The following SH3KBP1 variants were observed in gnomAD, a reference collection of about 807,000 sequenced individuals.
SH3KBP1 encodes SH3 domain containing kinase binding protein 1, also known as SH3 domain-containing kinase-binding protein 1.
In SH3KBP1, 8 loss-of-function variants were observed where a neutral mutation model predicts 50.1. The ratio of observed to expected loss-of-function variants is 0.16; its 90% CI spans 0.09 to 0.29. The LOEUF (loss-of-function observed/expected upper bound fraction) is 0.29, where lower values mean the gene tolerates loss of function less well. Ranked by LOEUF, SH3KBP1 falls within the 10% of genes least tolerant of loss-of-function variation. The pLI is 1.00. For synonymous variants in SH3KBP1, 227 were observed against 218.6 expected (o/e 1.04, Z -0.34); for missense variants, 377 against 535.2 (o/e 0.70, Z 2.92).
intron 2 of SH3KBP1, among the ~76,000 whole-genome samples, chrX:19,786,278 C>A (rs960009459): frequency 2.4e-4 from 27 of 110,868 alleles, no homozygotes; most frequent in Non-Finnish European, 3.8e-5. Flanking sequence ...TCAAAATAAT[C>A]AAGGCCAGGG....
intron 4 of SH3KBP1, among the ~76,000 whole-genome samples, chrX:19,702,947 G>A (rs750686081): frequency 3.6e-5 from 4 of 112,279 alleles, no homozygotes; most frequent in Admixed American, 9.4e-5. Flanking sequence ...GTTCCTTTAG[G>A]TTCACAATGA....
intron 9 of SH3KBP1, among the ~76,000 whole-genome samples, chrX:19,606,592 G>A (rs187222621): frequency 1.0e-3 from 114 of 111,979 alleles, no homozygotes; most frequent in African/African-American, 3.4e-3. Context: ...TAAAATATGG[G>A]GGATGGGGGA....
At chrX:19,871,720 A>C (rs533647840) in intron 1 of SH3KBP1, among the ~76,000 whole-genome samples, 3 of 111,413 alleles carry the variant, frequency 2.7e-5, no homozygotes, top group South Asian at 3.8e-4. Context: ...GGTTCTAGCC[A>C]CCCTTACGTG....
chrX:19,767,057 C>A (rs1403217139), intron 2 of SH3KBP1, among the ~76,000 whole-genome samples: 5 of 111,401 alleles, frequency 4.5e-5, no homozygotes, highest in African/African-American at 6.5e-5. Context: ...GTTATGACAA[C>A]AAAATAAAAT....
intron 12 of SH3KBP1, among the ~76,000 whole-genome samples, chrX:19,570,874 T>G (rs923029041): frequency 8.9e-6 from 1 of 111,899 alleles, no homozygotes; most frequent in Non-Finnish European, 1.9e-5. Flanking sequence ...GAAGATCACC[T>G]GAGCCCAGGG....
chrX:19,580,954 T>C (rs1222258176), intron 12 of SH3KBP1, among the ~76,000 whole-genome samples: 1 of 111,299 alleles, frequency 9.0e-6, no homozygotes, highest in Admixed American at 9.6e-5. Context: ...TTTTTCTCTT[T>C]TTAATTATTT....
intron 6 of SH3KBP1, among the ~76,000 whole-genome samples, chrX:19,653,908 C>T (rs1327688045): frequency 9.1e-6 from 1 of 109,947 alleles, no homozygotes; most frequent in Non-Finnish European, 1.9e-5. Flanking sequence ...TGTCTCCTAA[C>T]AGCTATCTTT....
chrX:19,634,711 G>C (rs1023512003), intron 7 of SH3KBP1, among the ~76,000 whole-genome samples: 22 of 111,750 alleles, frequency 2.0e-4, no homozygotes, highest in African/African-American at 7.2e-4. Flanking sequence ...CTGGGCTTTC[G>C]CAAGCACATG....
intron 7 of SH3KBP1, among the ~76,000 whole-genome samples, chrX:19,635,010 T>A (rs2061668812): frequency 9.0e-6 from 1 of 111,247 alleles, no homozygotes; most frequent in Admixed American, 9.6e-5. Flanking sequence ...GCTCTGACTT[T>A]GAGCTGTGAC....
At chrX:19,681,055 T>C (rs1240298436) in intron 6 of SH3KBP1, among the ~76,000 whole-genome samples, 1 of 111,415 alleles carries the variant, frequency 9.0e-6, no homozygotes, top group Non-Finnish European at 1.9e-5. Flanking sequence ...TCTTTTTGCA[T>C]TGTGGAGTAT....
chrX:19,654,098 A>T (rs967188991), intron 6 of SH3KBP1, among the ~76,000 whole-genome samples: 5 of 111,684 alleles, frequency 4.5e-5, no homozygotes, highest in African/African-American at 1.6e-4. Flanking sequence ...ATATTTGTAT[A>T]TTAGACATAC....
At chrX:19,703,283 T>C (rs141976058) in intron 4 of SH3KBP1, among the ~76,000 whole-genome samples, 76 of 109,340 alleles carry the variant, frequency 7.0e-4, no homozygotes, top group Middle Eastern at 4.8e-3. Context: ...AGAGAAAGAG[T>C]TGGTGGTGAG....
chrX:19,800,395 G>A (rs760967170), intron 2 of SH3KBP1, among the ~76,000 whole-genome samples: 1 of 111,923 alleles, frequency 8.9e-6, no homozygotes, highest in South Asian at 3.7e-4. Context: ...TTAATTTCAG[G>A]TTCATACAGT....
rs771258683 is a variant in SH3KBP1, at chrX:19,807,236, G to A, written c.162+28889C>T. On this transcript the variant is annotated intron_variant, in intron 2 of 17. Transcript: ENST00000397821. ...ACAGATTCTCCTTGTCCCTCAAAAT[G>A]GAGGAAGACAGGTAATTCTTACACA... Among the ~76,000 whole-genome samples the A allele has an allele frequency of 8.9e-5, 10 of 112,107 alleles. No homozygotes were observed. The East Asian group carries it at 2.2e-3, about 25-fold the overall frequency.
intron 1 of SH3KBP1, among the ~76,000 whole-genome samples, chrX:19,842,870 C>A (rs1187170513): frequency 9.0e-6 from 1 of 111,077 alleles, no homozygotes; most frequent in African/African-American, 3.3e-5. Flanking sequence ...CTTTCTCAGA[C>A]CTGATCCTCT....
intron 2 of SH3KBP1, among the ~76,000 whole-genome samples, chrX:19,819,506 T>G (rs2147326837): frequency 9.1e-6 from 1 of 110,230 alleles, no homozygotes; most frequent in South Asian, 3.9e-4. Flanking sequence ...GCTAATTTTT[T>G]GATTATTATT....
chrX:19,546,101 A>G (rs2065075097), intron 14 of SH3KBP1, 51 bp from the exon 15 acceptor site: 2 of 1,180,277 alleles, frequency 1.7e-6, no homozygotes, highest in Admixed American at 4.4e-5. Flanking sequence ...CTTAGCTGAC[A>G]CCACTTTCGT....
At chrX:19,638,100 A>C (rs1324389735) in intron 7 of SH3KBP1, among the ~76,000 whole-genome samples, 1 of 104,285 alleles carries the variant, frequency 9.6e-6, no homozygotes, top group Non-Finnish European at 2.0e-5. Context: ...AACAAAAAAA[A>C]ACAAACAAAC....
intron 1 of SH3KBP1, among the ~76,000 whole-genome samples, chrX:19,846,773 A>G (rs2068377317): frequency 8.9e-6 from 1 of 111,920 alleles, no homozygotes; most frequent in African/African-American, 3.2e-5. Flanking sequence ...AAACAATTTT[A>G]TTATGGATAA....
Sources: gnomAD v4.1 joint callset for allele counts (sites outside exome capture counted in the v4.1 genomes callset) on GRCh38, gnomAD v4.1.1 for gene constraint, MANE v1.5 for transcripts, NCBI Gene and HGNC (gene_info 2026-07-23, HGNC 2026-07-21) for gene names.